Variants in DISC1 observed in about 807,000 individuals in gnomAD.
DISC1 encodes DISC1 scaffold protein, also known as disrupted in schizophrenia 1 protein.
A neutral mutation model predicts 84.5 loss-of-function variants in DISC1; 57 were observed. The observed-to-expected ratio is 0.67, with a 90% CI of 0.55 to 0.84. The LOEUF is 0.84. DISC1 is among the 40% of genes least tolerant of loss of function. DISC1 has a pLI of 0.00. For missense variants in DISC1, 1,000 were observed against 1,057.8 expected, an observed-to-expected ratio of 0.95 and a Z score of 0.76; for synonymous variants, 411 against 415.2, an observed-to-expected ratio of 0.99 and a Z score of 0.12.
intron 9 of DISC1, among the ~76,000 whole-genome samples, chr1:231,873,893 T>G (rs4430314): frequency 0.5 from 75,769 of 151,672 alleles, 19,099 homozygotes; most frequent in African/African-American, 0.53. Flanking sequence ...CCAGGCTGAA[T>G]GCTGAAGTGC....
intron 9 of DISC1, among the ~76,000 whole-genome samples, chr1:231,857,767 C>T (rs138030702): frequency 1.4e-3 from 210 of 152,306 alleles, no homozygotes; most frequent in African/African-American, 4.7e-3. Context: ...CAGAACTAGA[C>T]GGGCCACACT....
intron 1 of DISC1, among the ~76,000 whole-genome samples, chr1:231,645,499 C>T (rs1317620223): frequency 1.3e-5 from 2 of 150,358 alleles, no homozygotes; most frequent in African/African-American, 2.5e-5. Context: ...TATGTCATGT[C>T]ACTTCTTTTT....
intron 1 of DISC1, among the ~76,000 whole-genome samples, chr1:231,673,485 A>G (rs2062824058): frequency 6.6e-6 from 1 of 151,994 alleles, no homozygotes; most frequent in South Asian, 2.1e-4. Flanking sequence ...GCGCCACCAC[A>G]TCTGGCTTTC....
intron 1 of DISC1, among the ~76,000 whole-genome samples, chr1:231,641,941 G>T (rs1056792352): frequency 6.6e-6 from 1 of 152,330 alleles, no homozygotes; most frequent in African/African-American, 2.4e-5. Context: ...GTCCCCTGCC[G>T]TGTGCCTGCA....
In DISC1 at chr1:232,009,470, A is replaced by C; in HGVS notation, c.2307+421A>C. 1 of 614,698 alleles carries C rather than the reference A, an allele frequency of 1.6e-6. No individual in the cohort carries two copies. The highest frequency in any genetic ancestry group is 2.0e-6 in the Non-Finnish European group (1 of 493,734). The allele number at this position is 614,698 out of a possible 1,614,324, so 38.1% of individuals were successfully genotyped here. On this transcript the variant is annotated intron_variant, in intron 11 of 12. Coordinates refer to ENST00000439617, the MANE Select transcript of DISC1 (RefSeq NM_018662.3). This position sits in a 1 kb window ranked among gnomAD's most constrained non-coding sequence, Gnocchi z 4.6. ...TCATATATGATGTTTATATATTTAG[A>C]ATCTATATATTACAATATATTATTA...
chr1:231,783,682 G>A (rs1374953841), intron 6 of DISC1, among the ~76,000 whole-genome samples: 1 of 152,200 alleles, frequency 6.6e-6, no homozygotes, highest in Non-Finnish European at 1.5e-5. Context: ...GAGCTTCCCA[G>A]TAAGCCTGGG....
At chr1:231,977,281 C>T (rs1216037882) in intron 10 of DISC1, among the ~76,000 whole-genome samples, 5 of 152,222 alleles carry the variant, frequency 3.3e-5, no homozygotes, top group Non-Finnish European at 7.3e-5. Context: ...AAGCTATTCT[C>T]TTCTAGTTGT....
rs1433977948 is a variant in DISC1 at position 231,749,976 on chromosome 1, CT to C, written c.1169del (p.Leu390ArgfsTer44). 2.5e-6 allele frequency: 4 copies of C among 1,614,224 alleles called. No individual in the cohort carries two copies. The highest frequency in any genetic ancestry group is 3.4e-6 in the Non-Finnish European group (4 of 1,180,042). ...LEDLEQEKIS[L>X]HFQLPSRQPA... ...AGACCTGGAACAAGAGAAAATCAGC[CT>C]GCACTTTCAACTTCCTTCAAGGCAG... On this transcript the variant is annotated frameshift_variant, in exon 4 of 13. Coordinates refer to ENST00000439617, the MANE Select transcript of DISC1 (RefSeq NM_018662.3). LOFTEE classifies it high-confidence loss of function.
At chr1:231,879,885 A>C (rs1179210132) in intron 9 of DISC1, among the ~76,000 whole-genome samples, 2 of 152,192 alleles carry the variant, frequency 1.3e-5, no homozygotes, top group African/African-American at 4.8e-5. Context: ...GGAATCAAGG[A>C]AGCAATTAGA....
intron 6 of DISC1, among the ~76,000 whole-genome samples, chr1:231,792,021 T>C (rs1276267307): frequency 2.0e-5 from 3 of 152,170 alleles, no homozygotes; most frequent in Non-Finnish European, 4.4e-5. Flanking sequence ...CTACTATAAA[T>C]AGCCTGAAAC....
chr1:232,029,979 A>G (rs368851938), intron 12 of DISC1, among the ~76,000 whole-genome samples: 138 of 152,344 alleles, frequency 9.1e-4, no homozygotes, highest in African/African-American at 3.3e-3. Context: ...TTGCCTCTTC[A>G]TCGTCCTGAC....
At chr1:231,710,652 CTT>C (rs2067703182) in intron 3 of DISC1, among the ~76,000 whole-genome samples, 1 of 152,196 alleles carries the variant, frequency 6.6e-6, no homozygotes, top group Admixed American at 6.5e-5. Context: ...AGGCCTGTCT[CTT>C]TGGCTTGTAG....
intron 9 of DISC1, among the ~76,000 whole-genome samples, chr1:231,915,478 C>T (rs2089553383): frequency 6.6e-6 from 1 of 152,208 alleles, no homozygotes; most frequent in Non-Finnish European, 1.5e-5. Flanking sequence ...TTCTGGGAAG[C>T]TCGGCTCAAA....
At chr1:231,799,494 A>G (rs12026339) in intron 7 of DISC1, among the ~76,000 whole-genome samples, 113,402 of 151,696 alleles carry the variant, frequency 0.75, 42,561 homozygotes, top group Admixed American at 0.79. Context: ...TCATCTGAGA[A>G]GAAGCTGTGG....
At chr1:232,016,123 A>T (rs1668471901) in intron 11 of DISC1, among the ~76,000 whole-genome samples, 1 of 152,238 alleles carries the variant, frequency 6.6e-6, no homozygotes, top group South Asian at 2.1e-4. Flanking sequence ...GGTGACATCC[A>T]GAACCAGGAT....
At chr1:231,999,899 C>T (rs757171890) in intron 10 of DISC1, among the ~76,000 whole-genome samples, 1 of 152,180 alleles carries the variant, frequency 6.6e-6, no homozygotes, top group South Asian at 2.1e-4. Flanking sequence ...AAAGGAACCA[C>T]ACTGCAATGG....
chr1:231,836,323 C>T (rs1476214693), intron 9 of DISC1, among the ~76,000 whole-genome samples: 1 of 152,018 alleles, frequency 6.6e-6, no homozygotes, highest in Non-Finnish European at 1.5e-5. Flanking sequence ...GTCTGTGGCC[C>T]TTGAAGCTGC....
At position 231,675,905 on chromosome 1, in the gene DISC1, A is replaced by G. The variant is rs928092233; in HGVS notation, c.68-17921A>G. Among the ~76,000 whole-genome samples the G allele has an allele frequency of 1.3e-5, 2 of 150,960 alleles. No individual in the cohort carries two copies. The highest frequency in any genetic ancestry group is 6.6e-5 in the Admixed American group (1 of 15,188). ...CCACTGTCGCCCAGGCTGGAATGCA[A>G]TGATGTGATCTCGGGTCACTGCAAC... On this transcript the variant is annotated intron_variant, in intron 1 of 12. Transcript: ENST00000439617. The surrounding 1 kb of genome is among the most constrained non-coding windows in gnomAD (Gnocchi z 4.1).
chr1:231,752,287 G>T (rs946589893), intron 4 of DISC1, among the ~76,000 whole-genome samples: 3 of 152,190 alleles, frequency 2.0e-5, no homozygotes, highest in African/African-American at 4.8e-5. Flanking sequence ...GAGCATGATG[G>T]TAGCATCTGC....
Sources: gnomAD v4.1 joint callset for allele counts (sites outside exome capture counted in the v4.1 genomes callset) on GRCh38, gnomAD v4.1.1 for gene constraint, Gnocchi (gnomAD v3.1) non-coding constraint, MANE v1.5 for transcripts, NCBI Gene and HGNC (gene_info 2026-07-23, HGNC 2026-07-21) for gene names.